ADGRB3: variants seen among roughly 807,000 people sequenced by gnomAD.
ADGRB3 encodes brain-specific angiogenesis inhibitor 3.
Under a neutral mutation model 193.4 loss-of-function variants are expected in ADGRB3, and 37 were observed. The observed-to-expected ratio is 0.19, with a 90% confidence interval of 0.15 to 0.25. The LOEUF is 0.25. Ranked by LOEUF, ADGRB3 falls within the 10% of genes least tolerant of loss-of-function variation. ADGRB3 has a pLI of 1.00. For missense variants in ADGRB3, 1,637 were observed against 1,852.9 expected (o/e 0.88, Z 2.14); for synonymous variants, 690 against 644.2 (o/e 1.07, Z -1.08).
At chr6:68,926,131 G>A (rs543916833) in intron 3 of ADGRB3, among the ~76,000 whole-genome samples, 9 of 152,106 alleles carry the variant, frequency 5.9e-5, no homozygotes, top group Middle Eastern at 3.4e-3. Flanking sequence ...TTGCACTTTG[G>A]AGAAACAATT....
intron 17 of ADGRB3, among the ~76,000 whole-genome samples, chr6:69,226,074 G>C (rs1322344244): frequency 6.6e-6 from 1 of 152,096 alleles, no homozygotes; most frequent in Non-Finnish European, 1.5e-5. Context: ...AGATGTTACT[G>C]GCAATAAAAC....
chr6:68,908,129 G>T (rs1766599487), intron 3 of ADGRB3, among the ~76,000 whole-genome samples: 1 of 151,688 alleles, frequency 6.6e-6, no homozygotes. Context: ...ATTAACTATT[G>T]CTGTCTTAAT....
chr6:68,853,776 A>G (rs562168542), intron 3 of ADGRB3, among the ~76,000 whole-genome samples: 1 of 152,292 alleles, frequency 6.6e-6, no homozygotes, highest in Non-Finnish European at 1.5e-5. Context: ...AAGATGTGAG[A>G]ATGATTGAAA....
chr6:69,378,906 A>G (rs1353479051), intron 30 of ADGRB3, among the ~76,000 whole-genome samples: 7 of 152,018 alleles, frequency 4.6e-5, no homozygotes, highest in Admixed American at 1.3e-4. Context: ...TTATAGAATC[A>G]CTTTTTCTCT....
chr6:68,757,479 T>C (rs534846969), intron 3 of ADGRB3, among the ~76,000 whole-genome samples: 9 of 152,254 alleles, frequency 5.9e-5, no homozygotes, highest in African/African-American at 2.2e-4. Context: ...AGATTTATTT[T>C]CTACCAGACT....
chr6:68,884,448 A>C (rs1034772157), intron 3 of ADGRB3, among the ~76,000 whole-genome samples: 1 of 152,164 alleles, frequency 6.6e-6, no homozygotes, highest in African/African-American at 2.4e-5. Flanking sequence ...AGAGAGTAAG[A>C]GCTTTAGGCT....
chr6:68,782,077 C>T (rs996337851), intron 3 of ADGRB3, among the ~76,000 whole-genome samples: 6 of 149,898 alleles, frequency 4.0e-5, no homozygotes, highest in African/African-American at 9.8e-5. Context: ...CCCATTAACT[C>T]GTCATTTAGC....
chr6:68,835,821 C>A (rs764807427), intron 3 of ADGRB3, among the ~76,000 whole-genome samples: 1 of 152,036 alleles, frequency 6.6e-6, no homozygotes, highest in Admixed American at 6.6e-5. Context: ...TGGTTAAAAG[C>A]AGATTTCCTT....
chr6:68,815,193 G>T (rs1767605704), intron 3 of ADGRB3, among the ~76,000 whole-genome samples: 1 of 152,080 alleles, frequency 6.6e-6, no homozygotes, highest in Non-Finnish European at 1.5e-5. Flanking sequence ...GTCCTTCGCG[G>T]CTCCTACTCA....
chr6:69,114,276 T>C (rs1322082204), intron 17 of ADGRB3, among the ~76,000 whole-genome samples: 1 of 152,234 alleles, frequency 6.6e-6, no homozygotes, highest in Admixed American at 6.5e-5. Context: ...TTCTTTTCTT[T>C]CACTCCAAAC....
chr6:69,367,791 T>C (rs1769607522), intron 29 of ADGRB3, among the ~76,000 whole-genome samples: 1 of 151,986 alleles, frequency 6.6e-6, no homozygotes, highest in African/African-American at 2.4e-5. Context: ...GTGGCACATA[T>C]ACACCATGGA....
chr6:69,056,271 A>G (rs548511166), intron 15 of ADGRB3, among the ~76,000 whole-genome samples: 41 of 152,260 alleles, frequency 2.7e-4, no homozygotes, highest in African/African-American at 9.6e-4. Context: ...CTTCTTTGGA[A>G]AAAATGTCTA....
At chr6:69,270,915 A>G (rs1185904571) in intron 20 of ADGRB3, among the ~76,000 whole-genome samples, 1 of 152,196 alleles carries the variant, frequency 6.6e-6, no homozygotes, top group Non-Finnish European at 1.5e-5. Flanking sequence ...TATATAGAAT[A>G]AGCATTTTTT....
At chr6:69,383,045 A>T in intron 31 of ADGRB3, 110 bp downstream of exon 31, 1 of 598,502 alleles carries the variant, frequency 1.7e-6, no homozygotes, top group Non-Finnish European at 2.6e-6. Context: ...CTACATAGAA[A>T]AAAAAAGTAT....
At chr6:69,388,662 G>A (rs753872246) in intron 31 of ADGRB3, 41 bp from the exon 32 acceptor site, 9 of 1,562,750 alleles carry the variant, frequency 5.8e-6, no homozygotes, top group East Asian at 2.3e-5. Flanking sequence ...GGTGATCCTG[G>A]TCATCACATA....
At chr6:69,117,971 G>A (rs1465540813) in intron 17 of ADGRB3, among the ~76,000 whole-genome samples, 4 of 152,066 alleles carry the variant, frequency 2.6e-5, no homozygotes, top group Admixed American at 6.6e-5. Flanking sequence ...CTGTTTTTCT[G>A]CCTCTTCTAC....
At chr6:69,373,719 A>T (rs1279139743) in intron 30 of ADGRB3, among the ~76,000 whole-genome samples, 3 of 152,056 alleles carry the variant, frequency 2.0e-5, no homozygotes, top group Non-Finnish European at 4.4e-5. Context: ...GTAGCCAAAA[A>T]TAGAGGATCA....
intron 3 of ADGRB3, among the ~76,000 whole-genome samples, chr6:68,722,630 C>CA (rs1765604197): frequency 6.7e-6 from 1 of 148,832 alleles, no homozygotes; most frequent in South Asian, 2.1e-4. Flanking sequence ...CTGAATCTAT[C>CA]AGGTTACTTC....
chr6:68,930,430 G>C (rs955196882), intron 3 of ADGRB3, 129 bp from the exon 4 acceptor site: 16 of 542,746 alleles, frequency 2.9e-5, no homozygotes, highest in Middle Eastern at 3.3e-4. Context: ...GATTAGCCTA[G>C]CAAGTTTAGA....
Sources: allele counts gnomAD v4.1 joint callset (sites outside exome capture counted in the v4.1 genomes callset), GRCh38; gene constraint gnomAD v4.1.1; transcripts MANE v1.5; gene names NCBI Gene and HGNC (gene_info 2026-07-23, HGNC 2026-07-21).